STK33: variants seen among roughly 807,000 people sequenced by gnomAD.
STK33 encodes the protein serine/threonine-protein kinase 33.
A neutral mutation model predicts 58.0 loss-of-function variants in STK33; 52 were observed. The ratio of observed to expected loss-of-function variants is 0.90; its 90% CI spans 0.72 to 1.13. The LOEUF (loss-of-function observed/expected upper bound fraction) is 1.13. Among genes scored for constraint, STK33 ranks in the 50% most tolerant of loss-of-function variants. The probability of loss-of-function intolerance (pLI) is 0.00; values close to 1 mark genes in which losing one functional copy is unlikely to be tolerated. For synonymous variants in STK33, 215 were observed against 200.1 expected (o/e 1.07, Z -0.63); for missense variants, 630 against 604.2 (o/e 1.04, Z -0.45).
chr11:8,356,950 C>G, the STK33 span, among the ~76,000 whole-genome samples: 2 of 152,184 alleles, frequency 1.3e-5, no homozygotes, highest in Admixed American at 1.3e-4. Flanking sequence ...TAGAGGAAGC[C>G]GTCCCTGAAG....
chr11:8,348,017 G>C, the STK33 span, among the ~76,000 whole-genome samples: 1 of 152,216 alleles, frequency 6.6e-6, no homozygotes, highest in African/African-American at 2.4e-5. Flanking sequence ...TCTAGTCCCT[G>C]AGAGGAGAAG....
intron 1 of STK33, among the ~76,000 whole-genome samples, chr11:8,489,780 T>C (rs541893812): frequency 2.0e-5 from 3 of 152,296 alleles, no homozygotes; most frequent in Admixed American, 2.0e-4. Flanking sequence ...TTAAATTAAA[T>C]AGCAATTCTG....
chr11:8,461,728 G>T (rs1337660893), intron 8 of STK33, 77 bp downstream of exon 8: 14 of 1,178,882 alleles, frequency 1.2e-5, no homozygotes, highest in Non-Finnish European at 1.6e-5. Context: ...TGCCCCAAAG[G>T]GATTATTTCA....
intron 1 of STK33, among the ~76,000 whole-genome samples, chr11:8,484,189 C>A (rs1284919441): frequency 7.2e-5 from 11 of 152,202 alleles, no homozygotes; most frequent in African/African-American, 2.7e-4. Flanking sequence ...TCAGCCCCCA[C>A]ATATGCAACA....
At chr11:8,448,393 C>T (rs1945803057) in intron 11 of STK33, among the ~76,000 whole-genome samples, 2 of 152,114 alleles carry the variant, frequency 1.3e-5, no homozygotes, top group South Asian at 4.1e-4. Context: ...TACTACAAGG[C>T]TACAGTAACC....
intron 15 of STK33, among the ~76,000 whole-genome samples, chr11:8,398,487 G>A (rs1388579651): frequency 6.6e-6 from 1 of 152,178 alleles, no homozygotes; most frequent in Non-Finnish European, 1.5e-5. Context: ...GGAACAAAAG[G>A]TTCCAGCCAA....
intron 1 of STK33, among the ~76,000 whole-genome samples, chr11:8,536,738 G>C (rs1203074455): frequency 6.6e-6 from 1 of 151,710 alleles, no homozygotes; most frequent in African/African-American, 2.4e-5. Context: ...ATGCTGAAAT[G>C]TCCCTTTTTC....
rs986559659 is a variant in STK33, at chr11:8,392,551, C to G, written c.1504G>C (p.Ala502Pro). ...GTTCTGGACAGGGCGCCGGATTTAG[C>G]AGGGTACTTGGTTGCTGTTCCTTGG... ...PSQGTATKYP[A>P]KSGALSRTKK... The change falls in exon 16 of 16, where the codon GCT becomes CCT. Residue 502 changes from alanine to proline, a missense_variant. By Grantham distance (27) the Ala-to-Pro change is conservative (BLOSUM62 -1). Coordinates refer to ENST00000687296, the MANE Select transcript of STK33 (RefSeq NM_001352389.2). The G allele has an allele frequency of 1.9e-6, 3 of 1,613,086 alleles. No individual in the cohort carries two copies. The highest frequency in any genetic ancestry group is 2.5e-6 in the Non-Finnish European group (3 of 1,179,402).
the STK33 span, among the ~76,000 whole-genome samples, chr11:8,369,331 G>GTA: frequency 6.8e-6 from 1 of 146,350 alleles, no homozygotes; most frequent in Non-Finnish European, 1.5e-5. Flanking sequence ...GTGTGTGTGT[G>GTA]TATAATCAGA....
intron 15 of STK33, among the ~76,000 whole-genome samples, chr11:8,394,999 T>G (rs1849090341): frequency 6.6e-6 from 1 of 152,182 alleles, no homozygotes; most frequent in African/African-American, 2.4e-5. Flanking sequence ...ATTGTCAATT[T>G]ATAGTGTACA....
chr11:8,524,574 C>A (rs1421767226), intron 1 of STK33, among the ~76,000 whole-genome samples: 5 of 152,066 alleles, frequency 3.3e-5, no homozygotes, highest in Non-Finnish European at 7.4e-5. Flanking sequence ...GATGAACTAT[C>A]TTAACACAAT....
At chr11:8,551,211 C>A (rs888478895) in intron 1 of STK33, among the ~76,000 whole-genome samples, 2 of 151,924 alleles carry the variant, frequency 1.3e-5, no homozygotes, top group African/African-American at 2.4e-5. Flanking sequence ...CTCACTGCAA[C>A]CTTTGCCTCC....
chr11:8,407,886 T>G (rs1234974923), intron 15 of STK33, among the ~76,000 whole-genome samples: 4 of 152,124 alleles, frequency 2.6e-5, no homozygotes, highest in Non-Finnish European at 5.9e-5. Context: ...CGCTTAGCAA[T>G]AGCATTGTTA....
chr11:8,409,444 C>G (rs1214408349), intron 15 of STK33, among the ~76,000 whole-genome samples: 1 of 152,160 alleles, frequency 6.6e-6, no homozygotes, highest in Non-Finnish European at 1.5e-5. Flanking sequence ...CGGCCAAGAC[C>G]AACATTAGTA....
intron 1 of STK33, among the ~76,000 whole-genome samples, chr11:8,489,102 A>G (rs1950391219): frequency 6.6e-6 from 1 of 151,950 alleles, no homozygotes; most frequent in African/African-American, 2.4e-5. Context: ...CTAGTAATGT[A>G]AAGAATCAGC....
intron 1 of STK33, among the ~76,000 whole-genome samples, chr11:8,584,109 TGAA>T (rs1274200251): frequency 1.3e-5 from 1 of 74,988 alleles, no homozygotes; most frequent in Non-Finnish European, 2.8e-5. Context: ...GGAATTTAGA[TGAA>T]AAAAAAAAAA....
At chr11:8,446,241 T>G (rs1945443269) in intron 11 of STK33, among the ~76,000 whole-genome samples, 1 of 149,252 alleles carries the variant, frequency 6.7e-6, no homozygotes, top group Admixed American at 6.8e-5. Context: ...TTACCATTTT[T>G]TATTGTGTCT....
chr11:8,484,351 G>A (rs1421971015), intron 1 of STK33, among the ~76,000 whole-genome samples: 1 of 152,288 alleles, frequency 6.6e-6, no homozygotes, highest in East Asian at 1.9e-4. Context: ...ACAGCATCAG[G>A]AAATTATTTT....
At chr11:8,378,116 C>T in the STK33 span, among the ~76,000 whole-genome samples, 1 of 152,170 alleles carries the variant, frequency 6.6e-6, no homozygotes, top group Non-Finnish European at 1.5e-5. Flanking sequence ...CTCACCATTC[C>T]GCAGGGCTAG....
Sources: allele counts gnomAD v4.1 joint callset (sites outside exome capture counted in the v4.1 genomes callset), GRCh38; gene constraint gnomAD v4.1.1; transcripts MANE v1.5; gene names NCBI Gene and HGNC (gene_info 2026-07-23, HGNC 2026-07-21).